ACOX3: variants seen among roughly 807,000 people sequenced by gnomAD.
ACOX3 encodes the protein acyl-CoA oxidase 3, pristanoyl.
In ACOX3, 73 loss-of-function variants were observed where a neutral mutation model predicts 81.5. The ratio of observed to expected loss-of-function variants is 0.90; its 90% confidence interval spans 0.74 to 1.09. The LOEUF (loss-of-function observed/expected upper bound fraction) is 1.09, where lower values mean the gene tolerates loss of function less well. Ranked by LOEUF, ACOX3 falls within the 50% of genes least tolerant of loss-of-function variation. ACOX3 has a pLI of 0.00. For synonymous variants in ACOX3, 387 were observed against 375.1 expected, an observed-to-expected ratio of 1.03 and a Z score of -0.37; for missense variants, 947 against 928.0, an observed-to-expected ratio of 1.02 and a Z score of -0.27.
chr4:8,411,075 T>C (rs1721669935), intron 5 of ACOX3, among the ~76,000 whole-genome samples: 1 of 152,214 alleles, frequency 6.6e-6, no homozygotes. Flanking sequence ...GGGCGTCTGC[T>C]GGGAGCCCTT....
intron 1 of ACOX3, chr4:8,436,307 GGA>G (rs1453352348): frequency 2.0e-5 from 3 of 151,962 alleles, no homozygotes; most frequent in Admixed American, 2.0e-4. Flanking sequence ...CAACCCACAA[GGA>G]GAGAGATGTG....
Position 8,423,981 on chromosome 4 carries a change from AG to A in ACOX3, c.-14-7447del, listed in dbSNP as rs1309084537. ...AAACCTTGTGCCATCAAGCCACCCA[AG>A]TGCTCTTAAACTTCATGGCCACCTG... On this transcript the variant is annotated intron_variant, in intron 1 of 17. Coordinates refer to ENST00000356406, the MANE Select transcript of ACOX3 (RefSeq NM_003501.3). The surrounding 1 kb of genome is among the most constrained non-coding windows in gnomAD (Gnocchi z 4.2). Among the ~76,000 whole-genome samples, 1 of 152,200 alleles carries A rather than the reference AG, an allele frequency of 6.6e-6. No homozygotes were observed. Among genetic ancestry groups the A allele is most frequent in the Non-Finnish European group, 1.5e-5 (1 of 68,038 alleles).
chr4:8,428,006 C>G (rs1182567358), intron 1 of ACOX3, among the ~76,000 whole-genome samples: 1 of 152,238 alleles, frequency 6.6e-6, no homozygotes, highest in African/African-American at 2.4e-5. Flanking sequence ...TCACATGAGA[C>G]GCTTGGAGCA....
At position 8,414,590 on chromosome 4, in the gene ACOX3, C is replaced by T. The variant is rs1319765811; in HGVS notation, c.454-209G>A. Among the ~76,000 whole-genome samples, 4 of 152,176 alleles carry T rather than the reference C, an allele frequency of 2.6e-5. No individual in the cohort carries two copies. The highest frequency in any genetic ancestry group is 2.9e-5 in the Non-Finnish European group (2 of 68,030). On this transcript the variant is annotated intron_variant, in intron 4 of 17. Transcript: ENST00000356406. The surrounding 1 kb of genome is among the most constrained non-coding windows in gnomAD (Gnocchi z 6.1). ...TAAACCAAGCTGACCGCAGCTGCTC[C>T]ACGTCAGCAAGGTGGCAGGAACTGC...
At chr4:8,410,413 G>T in intron 5 of ACOX3, 58 bp from the exon 6 acceptor site, 1 of 1,588,706 alleles carries the variant, frequency 6.3e-7, no homozygotes, top group African/African-American at 1.3e-5. Context: ...ATGCAGAATT[G>T]GTGTTTTCCT....
At chr4:8,435,291 C>G (rs1052079634) in intron 1 of ACOX3, among the ~76,000 whole-genome samples, 3 of 152,112 alleles carry the variant, frequency 2.0e-5, no homozygotes, top group African/African-American at 4.8e-5. Flanking sequence ...GAGATTGAGA[C>G]CATCCTGACT....
rs1722404769 is a variant in ACOX3, at chr4:8,416,886, C to G, written c.-14-351G>C. Among the ~76,000 whole-genome samples, 2 of 152,230 alleles carry G rather than the reference C, an allele frequency of 1.3e-5. No homozygotes were observed. The highest frequency in any genetic ancestry group is 2.9e-5 in the Non-Finnish European group (2 of 68,044). On this transcript the variant is annotated intron_variant, in intron 1 of 17. Transcript: ENST00000356406. The surrounding 1 kb of genome is among the most constrained non-coding windows in gnomAD (Gnocchi z 4.2). ...CCCTCTTGGGAGCACCCCGGACATC[C>G]AGACTCATCCCCAAGGCTCACTAAA...
rs537203395 is a variant in ACOX3 at position 8,373,465 on chromosome 4, G to A, written c.1896+96C>T. 1,920 of 1,293,950 alleles carry A rather than the reference G, an allele frequency of 1.5e-3. 1 individual carries two copies. Among genetic ancestry groups the A allele is most frequent in the Non-Finnish European group, 1.8e-3 (1,693 of 915,944 alleles). 80.2% of individuals were successfully genotyped at this position (1,293,950 alleles called of 1,614,324 possible). ...GTGTCAGTCTGGGTGATACTAAGGC[G>A]GTGCGTGTCGGTCTGGGTGATGCTA... On this transcript the variant is annotated intron_variant, in intron 16 of 17. Transcript: ENST00000356406.
intron 16 of ACOX3, among the ~76,000 whole-genome samples, chr4:8,371,376 T>C (rs192033418): frequency 5.4e-4 from 82 of 152,282 alleles, no homozygotes; most frequent in African/African-American, 1.9e-3. Flanking sequence ...AAACATGTAA[T>C]AGAGAAGGCA....
chr4:8,392,550 T>A, intron 10 of ACOX3, 97 bp from the exon 11 acceptor site: 1 of 1,316,660 alleles, frequency 7.6e-7, no homozygotes, highest in South Asian at 1.7e-5. Context: ...ATATCACCTC[T>A]AGTCTAATAC....
chr4:8,375,565 A>C (rs1716857346), intron 14 of ACOX3, among the ~76,000 whole-genome samples: 1 of 152,202 alleles, frequency 6.6e-6, no homozygotes. Flanking sequence ...GAGGAGCTGG[A>C]GAAGGGGCTT....
intron 3 of ACOX3, among the ~76,000 whole-genome samples, chr4:8,415,137 G>A (rs937824087): frequency 6.6e-6 from 1 of 152,210 alleles, no homozygotes. Context: ...CAGCTGCCCC[G>A]GGTCCCTGAG....
In ACOX3 at chr4:8,374,968, G is replaced by T. The variant is rs1338289686; in HGVS notation, c.1828+10C>A. 3.3e-6 allele frequency: 5 copies of T among 1,499,168 alleles called. No homozygotes were observed. The highest frequency in any genetic ancestry group is 1.3e-5 in the South Asian group (1 of 79,502). The allele number at this position is 1,499,168 out of a possible 1,614,324, so 92.9% of individuals were successfully genotyped here. A position where few individuals can be genotyped will look rare whatever the true frequency, so the allele number is the denominator to read the frequency against. On this transcript the variant is annotated intron_variant, in intron 15 of 17. Coordinates refer to ENST00000356406, the MANE Select transcript of ACOX3 (RefSeq NM_003501.3). ...GGGGAGGACAGCAAGCCCGCAGTCA[G>T]AAGCCTCACCTCGGTAGAGCAGGGC...
In ACOX3 at chr4:8,389,832, C is replaced by T. The variant is rs1049714777; in HGVS notation, c.1301-98G>A. ...TTAAAAAGCCTTAAGAGGCTGGGTG[C>T]GGTGGCTCACACCTGTAATGGCAGC... On this transcript the variant is annotated intron_variant, in intron 11 of 17. Transcript: ENST00000356406. This position sits in a 1 kb window ranked among gnomAD's most constrained non-coding sequence, Gnocchi z 5.3. 3.0e-5 allele frequency: 45 copies of T among 1,499,612 alleles called. No homozygotes were observed. Among genetic ancestry groups the T allele is most frequent in the African/African-American group, 4.1e-5 (3 of 72,536 alleles). The allele number at this position is 1,499,612 out of a possible 1,614,324, so 92.9% of individuals were successfully genotyped here.
In ACOX3 at chr4:8,370,195, C is replaced by G. The variant is rs1002224161; in HGVS notation, c.1983+713G>C. On this transcript the variant is annotated intron_variant, in intron 17 of 17. Transcript: ENST00000356406. The surrounding 1 kb of genome is among the most constrained non-coding windows in gnomAD (Gnocchi z 6.3). ...AGCAGGCACAAGGCCCTGGGGTGGG[C>G]ATGGGCCTGGCGCGACAGACGGGGA... 2.0e-5 allele frequency among the ~76,000 whole-genome samples: 3 copies of G among 152,202 alleles called. No individual in the cohort carries two copies. The highest frequency in any genetic ancestry group is 7.2e-5 in the African/African-American group (3 of 41,450).
intron 1 of ACOX3, chr4:8,439,050 T>C (rs1425552721): frequency 1.3e-5 from 2 of 152,372 alleles, no homozygotes; most frequent in African/African-American, 4.8e-5. Flanking sequence ...CAAGTAAACG[T>C]AGTTAAAAAT....
At position 8,423,303 on chromosome 4, in the gene ACOX3, AC is replaced by A. The variant is rs1723144534; in HGVS notation, c.-14-6769del. 6.6e-6 allele frequency among the ~76,000 whole-genome samples: 1 copy of A among 152,088 alleles called. No individual in the cohort carries two copies. The highest frequency in any genetic ancestry group is 1.5e-5 in the Non-Finnish European group (1 of 68,014). On this transcript the variant is annotated intron_variant, in intron 1 of 17. Transcript: ENST00000356406. This position sits in a 1 kb window ranked among gnomAD's most constrained non-coding sequence, Gnocchi z 4.2. ...CTAGCAAAAGCAGGGGCCATTATAC[AC>A]CTGAACATGGGAGAAGGAACACCGT... is the stretch of plus-strand genomic sequence containing the variant.
chr4:8,389,350 C>G lies in ACOX3; in HGVS notation c.1424-64G>C. Reference sequence around the variant, plus strand: ...AACCCAAACCATTGGGAACCCCAAGCTGGGGGCACCCCAAAGCACAGAGAG... The same window carrying G: ...AACCCAAACCATTGGGAACCCCAAGGTGGGGGCACCCCAAAGCACAGAGAG... On this transcript the variant is annotated intron_variant, in intron 12 of 17. Coordinates refer to ENST00000356406, the MANE Select transcript of ACOX3 (RefSeq NM_003501.3). This position sits in a 1 kb window ranked among gnomAD's most constrained non-coding sequence, Gnocchi z 5.3. 1 of 1,495,344 alleles carries G rather than the reference C, an allele frequency of 6.7e-7. No homozygotes were observed. Among genetic ancestry groups the G allele is most frequent in the Non-Finnish European group, 9.2e-7 (1 of 1,092,050 alleles). 92.6% of individuals were successfully genotyped at this position (1,495,344 alleles called of 1,614,324 possible).
intron 16 of ACOX3, 140 bp downstream of exon 16, chr4:8,373,421 G>A (rs994409031): frequency 2.4e-6 from 2 of 843,566 alleles, no homozygotes; most frequent in Non-Finnish European, 3.8e-6. Context: ...GTAGGCTCTG[G>A]GTGACGCTAA....
Sources: gnomAD v4.1 joint callset for allele counts (sites outside exome capture counted in the v4.1 genomes callset) on GRCh38, gnomAD v4.1.1 for gene constraint, Gnocchi (gnomAD v3.1) non-coding constraint, MANE v1.5 for transcripts, NCBI Gene and HGNC (gene_info 2026-07-23, HGNC 2026-07-21) for gene names.